Variants in LEO1 observed in about 807,000 individuals in gnomAD.
LEO1 encodes the protein LEO1 component of Paf1/RNA polymerase II complex, also known as RNA polymerase-associated protein LEO1.
LEO1 carries 34 observed loss-of-function variants against 80.4 expected under a neutral mutation model. That is an observed-to-expected ratio of 0.42 (90% CI 0.32 to 0.56). LEO1 has a LOEUF of 0.56. Ranked by LOEUF, LEO1 falls within the 20% of genes least tolerant of loss-of-function variation. LEO1 has a pLI of 0.10. For missense variants in LEO1, 631 were observed against 814.2 expected, an observed-to-expected ratio of 0.77 and a Z score of 2.74; for synonymous variants, 262 against 274.9, an observed-to-expected ratio of 0.95 and a Z score of 0.46.
intron 11 of LEO1, among the ~76,000 whole-genome samples, chr15:51,940,254 CAAAAAAAAA>C (rs745641318): frequency 7.9e-5 from 3 of 37,928 alleles, no homozygotes; most frequent in African/African-American, 2.0e-4. Flanking sequence ...GACTCCGTAT[CAAAAAAAAA>C]AAAAAAAAAA....
intron 6 of LEO1, among the ~76,000 whole-genome samples, chr15:51,957,187 G>A (rs151003652): frequency 8.7e-4 from 132 of 152,140 alleles, no homozygotes; most frequent in African/African-American, 2.7e-3. Flanking sequence ...TAGATATATT[G>A]ATACTAGCTG....
chr15:51,967,886 C>T (rs1012721546), intron 1 of LEO1, among the ~76,000 whole-genome samples: 15 of 152,174 alleles, frequency 9.9e-5, no homozygotes, highest in Admixed American at 4.6e-4. Context: ...CAGCAAAGGA[C>T]GTTATTAAGA....
At chr15:51,958,702 C>A (rs1193414214) in intron 6 of LEO1, 40 bp downstream of exon 6, 3 of 1,317,040 alleles carry the variant, frequency 2.3e-6, no homozygotes. Flanking sequence ...CCAGGTTTTA[C>A]TTTATAAAAG....
At chr15:51,943,655 G>A (rs890937339) in intron 11 of LEO1, among the ~76,000 whole-genome samples, 15 of 150,428 alleles carry the variant, frequency 1.0e-4, no homozygotes, top group African/African-American at 3.2e-4. Context: ...AGCCGAGATC[G>A]CACCACCGCA....
At chr15:51,955,069 T>G (rs1272889423) in intron 6 of LEO1, 1 of 152,676 alleles carries the variant, frequency 6.5e-6, no homozygotes, top group African/African-American at 2.4e-5. Flanking sequence ...TCTCAGTAGC[T>G]GGGATTACAG....
intron 4 of LEO1, 107 bp downstream of exon 4, chr15:51,960,532 C>T (rs560010184): frequency 1.1e-4 from 75 of 677,096 alleles, no homozygotes; most frequent in African/African-American, 1.1e-3. Flanking sequence ...ATGGTATTTT[C>T]ATACTAGAAT....
At chr15:51,941,345 G>A (rs1023232907) in intron 11 of LEO1, among the ~76,000 whole-genome samples, 2 of 152,156 alleles carry the variant, frequency 1.3e-5, no homozygotes, top group Non-Finnish European at 2.9e-5. Context: ...CATGAATGCA[G>A]GTCCCTGTAG....
chr15:51,956,486 C>T (rs1310285240), intron 6 of LEO1, among the ~76,000 whole-genome samples: 1 of 149,810 alleles, frequency 6.7e-6, no homozygotes, highest in African/African-American at 2.5e-5. Flanking sequence ...CTAAAAAATG[C>T]TTTCTATTAT....
intron 6 of LEO1, among the ~76,000 whole-genome samples, chr15:51,956,759 G>C (rs2056992587): frequency 6.6e-6 from 1 of 152,154 alleles, no homozygotes; most frequent in Non-Finnish European, 1.5e-5. Flanking sequence ...TAAGACAACA[G>C]TTTATGTTAA....
chr15:51,961,852 A>G (rs1429760270), intron 3 of LEO1, among the ~76,000 whole-genome samples: 1 of 151,896 alleles, frequency 6.6e-6, no homozygotes, highest in Non-Finnish European at 1.5e-5. Flanking sequence ...TCAGCCCCCT[A>G]ATAATGAATT....
chr15:51,958,171 T>A (rs1455082877), intron 6 of LEO1, among the ~76,000 whole-genome samples: 1 of 152,094 alleles, frequency 6.6e-6, no homozygotes, highest in African/African-American at 2.4e-5. Flanking sequence ...AATGTCTACT[T>A]GGCCAAGTGC....
Position 51,959,957 on chromosome 15 carries a change from C to G in LEO1, c.1102G>C (p.Asp368His), listed in dbSNP as rs1442768881. The G allele has an allele frequency of 6.2e-7, 1 of 1,613,020 alleles. No individual in the cohort carries two copies. The highest frequency in any genetic ancestry group is 1.1e-5 in the South Asian group (1 of 90,964). ...ACAAAATATAAGTCGTTTCCTAAAT[C>G]AGTGTTTACTTTGGGTATTTCTACT... ...IEVEIPKVNT[D>H]LGNDLYFVKL... Residue 368 changes from aspartate to histidine, a missense_variant, in exon 5 of 12, where the codon GAT becomes CAT. Physicochemically the swap from Asp to His is moderately conservative, Grantham distance 81. Coordinates refer to ENST00000299601, the MANE Select transcript of LEO1 (RefSeq NM_138792.4).
chr15:51,945,554 T>C (rs2056893317), intron 11 of LEO1, among the ~76,000 whole-genome samples: 1 of 152,094 alleles, frequency 6.6e-6, no homozygotes, highest in African/African-American at 2.4e-5. Context: ...ACATCCCAAC[T>C]CCCAAGACCC....
rs554984719 is a variant in LEO1 at position 51,956,975 on chromosome 15, C to T, written c.1245+1767G>A. Reference sequence around the variant, plus strand: ...TGGAGTAGCTGTGACTATGGGCATGCGCCATCTCTGCTGGCTAATTTTTTT... The same window carrying T: ...TGGAGTAGCTGTGACTATGGGCATGTGCCATCTCTGCTGGCTAATTTTTTT... On this transcript the variant is annotated intron_variant, in intron 6 of 11. Transcript: ENST00000299601. 5.8e-4 allele frequency among the ~76,000 whole-genome samples: 89 copies of T among 152,200 alleles called. No individual in the cohort carries two copies. In the South Asian group the frequency reaches 0.011, roughly 18 times the overall value.
chr15:51,955,354 A>C (rs1006581687), intron 6 of LEO1, among the ~76,000 whole-genome samples: 3 of 152,228 alleles, frequency 2.0e-5, no homozygotes, highest in Non-Finnish European at 4.4e-5. Context: ...TAAACTTCCC[A>C]TATATGAATA....
intron 2 of LEO1, among the ~76,000 whole-genome samples, chr15:51,965,148 C>A (rs1470104250): frequency 1.3e-5 from 2 of 152,164 alleles, no homozygotes; most frequent in Non-Finnish European, 2.9e-5. Flanking sequence ...TAGATTTGCC[C>A]CCGGGGAAAC....
intron 1 of LEO1, among the ~76,000 whole-genome samples, chr15:51,969,987 G>T (rs868090045): frequency 4.6e-5 from 7 of 152,204 alleles, no homozygotes; most frequent in South Asian, 2.1e-4. Flanking sequence ...TGGCAAAGAT[G>T]TGGGGAAAGG....
chr15:51,952,666 C>T (rs570566155), intron 8 of LEO1, among the ~76,000 whole-genome samples: 22 of 152,260 alleles, frequency 1.4e-4, no homozygotes, highest in Non-Finnish European at 2.5e-4. Flanking sequence ...TTGGGGGACA[C>T]ACCTCTGCAG....
chr15:51,965,146 C>A (rs1313464226), intron 2 of LEO1, among the ~76,000 whole-genome samples: 1 of 152,142 alleles, frequency 6.6e-6, no homozygotes, highest in Non-Finnish European at 1.5e-5. Context: ...GCTAGATTTG[C>A]CCCCGGGGAA....
Sources: allele counts gnomAD v4.1 joint callset (sites outside exome capture counted in the v4.1 genomes callset), GRCh38; gene constraint gnomAD v4.1.1; transcripts MANE v1.5; gene names NCBI Gene and HGNC (gene_info 2026-07-23, HGNC 2026-07-21).